The following STK24 variants were observed in gnomAD, a reference collection of about 807,000 sequenced individuals.
STK24 encodes the protein serine/threonine-protein kinase 24.
Under a neutral mutation model 55.6 loss-of-function variants are expected in STK24, and 21 were observed. That is an observed-to-expected ratio of 0.38 (90% confidence interval 0.27 to 0.54). STK24 has a LOEUF of 0.54. STK24 is among the 20% of genes least tolerant of loss of function. STK24 has a pLI of 0.79. For synonymous variants in STK24, 200 were observed against 215.2 expected (o/e 0.93, Z 0.62); for missense variants, 383 against 538.4 (o/e 0.71, Z 2.86).
chr13:98,499,807 C>T (rs1429123597), intron 2 of STK24, among the ~76,000 whole-genome samples: 4 of 152,234 alleles, frequency 2.6e-5, no homozygotes, highest in Admixed American at 6.5e-5. Flanking sequence ...CTGCATTCCA[C>T]ACTCCCAACG....
chr13:98,446,933 CG>C lies in STK24; in HGVS notation c.*6239del. 8.7e-7 allele frequency: 1 copy of C among 1,143,618 alleles called. No homozygotes were observed. Among genetic ancestry groups the C allele is most frequent in the Non-Finnish European group, 1.3e-6 (1 of 792,142 alleles). The allele number at this position is 1,143,618 out of a possible 1,614,324, so 70.8% of individuals were successfully genotyped here. On this transcript the variant is annotated 3_prime_UTR_variant, in exon 11 of 11. Transcript: ENST00000539966. The stretch of plus-strand genomic sequence containing the variant: ...GCCCCACCCTTCCCTGCCAACTAAG[CG>C]TTTAGACCTGGGGTCCCACTGCCCG...
chr13:98,457,211 T>C lies in STK24; in HGVS notation c.1216A>G (p.Ile406Val). 1.2e-6 allele frequency: 2 copies of C among 1,612,748 alleles called. No homozygotes were observed. The highest frequency in any genetic ancestry group is 1.7e-6 in the Non-Finnish European group (2 of 1,179,992). Residue 406 changes from isoleucine (I) to valine (V), a missense_variant, in exon 10 of 11, where the codon ATC becomes GTC. Transcript: ENST00000539966. ...AGCTGGGCCACCATGGTGTCGGAGATGCCAGGGCACGCCTCCTCCGCTAGG... is the reference window on the plus strand; with the variant it reads ...AGCTGGGCCACCATGGTGTCGGAGACGCCAGGGCACGCCTCCTCCGCTAGG... ...IYLAEEACPG[I>V]SDTMVAQLVQ...
intron 2 of STK24, among the ~76,000 whole-genome samples, chr13:98,485,486 A>G (rs1894770325): frequency 6.6e-6 from 1 of 152,226 alleles, no homozygotes; most frequent in African/African-American, 2.4e-5. Context: ...CACTGATCTT[A>G]GGAGCAGTTT....
intron 2 of STK24, among the ~76,000 whole-genome samples, chr13:98,498,710 C>T (rs1895337286): frequency 6.6e-6 from 1 of 152,158 alleles, no homozygotes; most frequent in South Asian, 2.1e-4. Context: ...TCCCTCCTCC[C>T]CTGCCGTCTC....
rs1893232540 is a variant in STK24, at chr13:98,452,214, G to C, written c.*959C>G. 2.0e-5 allele frequency: 3 copies of C among 152,204 alleles called. No homozygotes were observed. 9.4% of individuals were successfully genotyped at this position (152,204 alleles called of 1,614,324 possible). On this transcript the variant is annotated 3_prime_UTR_variant, in exon 11 of 11. Transcript: ENST00000539966. ...CATTCAGACATTTTTAGGTGGGAAAGATGATATGCAGAATCCACTACAAGG... is the reference window on the plus strand; with the variant it reads ...CATTCAGACATTTTTAGGTGGGAAACATGATATGCAGAATCCACTACAAGG...
chr13:98,529,773 C>T (rs778985932), intron 1 of STK24, among the ~76,000 whole-genome samples: 8 of 152,000 alleles, frequency 5.3e-5, no homozygotes, highest in African/African-American at 1.7e-4. Context: ...GCTTCCAGAA[C>T]GAGCATTCAG....
intron 5 of STK24, among the ~76,000 whole-genome samples, chr13:98,469,563 G>C (rs1894064918): frequency 6.6e-6 from 1 of 151,966 alleles, no homozygotes; most frequent in African/African-American, 2.4e-5. Flanking sequence ...AAGGCGGCGG[G>C]GGGAGGACAT....
At position 98,450,911 on chromosome 13, in the gene STK24, GGCGA is replaced by G. The variant is rs1339670754; in HGVS notation, c.*2258_*2261del. Reference sequence around the variant, plus strand: ...CAGCCCAGGAGAGAATGTACACAGAGGCGAGCTTTCTAACTCCATCAAACCCCAC... The same window carrying G: ...CAGCCCAGGAGAGAATGTACACAGAGGCTTTCTAACTCCATCAAACCCCAC... On this transcript the variant is annotated 3_prime_UTR_variant, in exon 11 of 11. Transcript: ENST00000539966. 1 of 152,200 alleles carries G rather than the reference GGCGA, an allele frequency of 6.6e-6. No individual in the cohort carries two copies. The highest frequency in any genetic ancestry group is 2.4e-5 in the African/African-American group (1 of 41,450). The allele number at this position is 152,200 out of a possible 1,614,324, so 9.4% of individuals were successfully genotyped here.
At chr13:98,550,321 G>C (rs541589876) in intron 1 of STK24, among the ~76,000 whole-genome samples, 1 of 152,134 alleles carries the variant, frequency 6.6e-6, no homozygotes, top group Non-Finnish European at 1.5e-5. Context: ...GGAAGATCGC[G>C]TGAGCCCAGG....
At chr13:98,537,016 G>C (rs1240067113) in intron 1 of STK24, among the ~76,000 whole-genome samples, 1 of 152,146 alleles carries the variant, frequency 6.6e-6, no homozygotes, top group Non-Finnish European at 1.5e-5. Flanking sequence ...CAAACCCCTT[G>C]AAGCAGCCGC....
At chr13:98,464,930 G>C (rs144288894) in intron 6 of STK24, among the ~76,000 whole-genome samples, 1 of 152,316 alleles carries the variant, frequency 6.6e-6, no homozygotes, top group Non-Finnish European at 1.5e-5. Flanking sequence ...AGAGCAACTG[G>C]ATGCGCTTCA....
At chr13:98,460,540 GCCT>G (rs1295574181) in intron 8 of STK24, 100 bp from the exon 9 acceptor site, 4 of 939,904 alleles carry the variant, frequency 4.3e-6, no homozygotes, top group Non-Finnish European at 6.7e-6. Context: ...CGCAGGAGTT[GCCT>G]CTACACTTCA....
rs561923387 is a variant in STK24, at chr13:98,501,221, A to T, written c.273+18022T>A. On this transcript the variant is annotated intron_variant, in intron 2 of 10. Transcript: ENST00000539966. ...GCACAGCCTCACCGCGGAGTCACAG[A>T]AGTGGCCTGTGGAGCTGAGAAACCC... Among the ~76,000 whole-genome samples, 3 of 152,368 alleles carry T rather than the reference A, an allele frequency of 2.0e-5. No individual in the cohort carries two copies. In the East Asian group the frequency reaches 5.8e-4, roughly 29 times the overall value.
chr13:98,569,430 A>C (rs917845287), intron 1 of STK24, among the ~76,000 whole-genome samples: 3 of 151,908 alleles, frequency 2.0e-5, no homozygotes, highest in African/African-American at 7.3e-5. Context: ...AAAAAAACAA[A>C]AAAAAACAAA....
At chr13:98,540,707 C>G (rs1896861739) in intron 1 of STK24, among the ~76,000 whole-genome samples, 1 of 143,670 alleles carries the variant, frequency 7.0e-6, no homozygotes, top group South Asian at 2.2e-4. Flanking sequence ...GTCTCTCTCA[C>G]ACAGGCCTCT....
intron 1 of STK24, among the ~76,000 whole-genome samples, chr13:98,557,553 T>C (rs1897312750): frequency 6.6e-6 from 1 of 152,226 alleles, no homozygotes; most frequent in Non-Finnish European, 1.5e-5. Context: ...AGCTTTTACC[T>C]GGGAAACCGC....
intron 5 of STK24, among the ~76,000 whole-genome samples, chr13:98,473,284 G>GGAGGGAGGGAGGAGGGAGGAAAGGAAA (rs1894226248): frequency 7.3e-6 from 1 of 137,240 alleles, no homozygotes; most frequent in Non-Finnish European, 1.6e-5. Context: ...GGGAAAGGAA[G>GGAGGGAGGGAGGAGGGAGGAAAGGAAA]GAGGGAGAGA....
At chr13:98,460,765 C>T (rs1296743852) in intron 8 of STK24, among the ~76,000 whole-genome samples, 2 of 151,956 alleles carry the variant, frequency 1.3e-5, no homozygotes, top group African/African-American at 4.8e-5. Flanking sequence ...ACTGGTTGGG[C>T]GTGGTGGCTC....
chr13:98,468,154 A>G (rs1594581896), intron 5 of STK24, among the ~76,000 whole-genome samples: 1 of 152,310 alleles, frequency 6.6e-6, no homozygotes, highest in African/African-American at 2.4e-5. Flanking sequence ...AGAAATCCCT[A>G]CTGGAAGCCC....
Sources: gnomAD v4.1 joint callset for allele counts (sites outside exome capture counted in the v4.1 genomes callset) on GRCh38, gnomAD v4.1.1 for gene constraint, MANE v1.5 for transcripts, NCBI Gene and HGNC (gene_info 2026-07-23, HGNC 2026-07-21) for gene names.